The following MTMR7 variants were observed in gnomAD, a reference collection of about 807,000 sequenced individuals.
MTMR7 encodes the protein myotubularin related protein 7.
In MTMR7, 76 loss-of-function variants were observed where a neutral mutation model predicts 81.2. The ratio of observed to expected loss-of-function variants is 0.94; its 90% CI spans 0.78 to 1.13. MTMR7 has a LOEUF of 1.13. Among genes scored for constraint, MTMR7 ranks in the 50% most tolerant of loss-of-function variants. The pLI is 0.00. For missense variants in MTMR7, 1,044 were observed against 820.0 expected (o/e 1.27, Z -3.34); for synonymous variants, 372 against 289.8 (o/e 1.28, Z -2.88).
Position 17,296,979 on chromosome 8 carries a change from C to G in MTMR7, c.*2883G>C, listed in dbSNP as rs1401661452. On this transcript the variant is annotated 3_prime_UTR_variant, in exon 14 of 14. Coordinates refer to ENST00000180173, the MANE Select transcript of MTMR7 (RefSeq NM_004686.5). Reference sequence around the variant, plus strand: ...GTATGTCACCCACGATGAAAAGAATCTGCATTTGAATATGCCCGTATGAAT... The same window carrying G: ...GTATGTCACCCACGATGAAAAGAATGTGCATTTGAATATGCCCGTATGAAT... 1 of 152,142 alleles carries G rather than the reference C, an allele frequency of 6.6e-6. No individual in the cohort carries two copies. Among genetic ancestry groups the G allele is most frequent in the Non-Finnish European group, 1.5e-5 (1 of 68,020 alleles). The allele number at this position is 152,142 out of a possible 1,614,324, so 9.4% of individuals were successfully genotyped here.
At chr8:17,302,319 A>G (rs1379723384) in intron 12 of MTMR7, 39 bp from the exon 13 acceptor site, 6 of 1,580,810 alleles carry the variant, frequency 3.8e-6, no homozygotes, top group Non-Finnish European at 5.1e-6. Context: ...CCACCTTATC[A>G]CAGTCTGAAA....
intron 1 of MTMR7, among the ~76,000 whole-genome samples, chr8:17,410,857 T>A (rs939295114): frequency 9.2e-5 from 14 of 152,196 alleles, no homozygotes; most frequent in African/African-American, 3.4e-4. Flanking sequence ...CATACAATTC[T>A]TTTCCTCTTA....
chr8:17,365,122 G>A (rs1375493545), intron 3 of MTMR7, among the ~76,000 whole-genome samples: 2 of 152,186 alleles, frequency 1.3e-5, no homozygotes, highest in Non-Finnish European at 2.9e-5. Context: ...ACAGTTGTGA[G>A]GCGATACCTC....
intron 7 of MTMR7, among the ~76,000 whole-genome samples, chr8:17,314,388 G>C (rs1351377361): frequency 3.3e-5 from 5 of 152,054 alleles, no homozygotes; most frequent in African/African-American, 9.7e-5. Flanking sequence ...TCTTGCACAT[G>C]TTATTCCAGT....
At chr8:17,346,403 G>A (rs111645188) in intron 5 of MTMR7, among the ~76,000 whole-genome samples, 8 of 152,180 alleles carry the variant, frequency 5.3e-5, no homozygotes, top group African/African-American at 1.9e-4. Flanking sequence ...GGTTGTTTCT[G>A]CTTTAAAATC....
rs374507844 is a variant in MTMR7, at chr8:17,369,742, T to C, written c.310+1295A>G. Among the ~76,000 whole-genome samples, 4 of 149,222 alleles carry C rather than the reference T, an allele frequency of 2.7e-5. No individual in the cohort carries two copies. The East Asian group carries it at 7.9e-4, about 30-fold the overall frequency. On this transcript the variant is annotated intron_variant, in intron 3 of 13. Coordinates refer to ENST00000180173, the MANE Select transcript of MTMR7 (RefSeq NM_004686.5). ...CTCTCTGCAACCTTCACCTCCCAGG[T>C]TCACGCCATCCTCCTGCCTCAGCCT... is the stretch of plus-strand genomic sequence containing the variant.
chr8:17,348,927 A>T lies in MTMR7; in HGVS notation c.597+26T>A, dbSNP rs746025293. ...TGATAAACTAGAAAAGCAAAGTGTA[A>T]AACAAAAACACGCCTCGAGACTTAC... is the stretch of plus-strand genomic sequence containing the variant. On this transcript the variant is annotated intron_variant, in intron 5 of 13. Transcript: ENST00000180173. The T allele has an allele frequency of 2.5e-6, 4 of 1,613,498 alleles. No homozygotes were observed. In the South Asian group the frequency reaches 3.3e-5, roughly 13 times the overall value.
At chr8:17,387,805 A>G (rs566143499) in intron 1 of MTMR7, among the ~76,000 whole-genome samples, 4 of 152,328 alleles carry the variant, frequency 2.6e-5, no homozygotes, top group East Asian at 3.9e-4. Flanking sequence ...CAAACTTCCT[A>G]TTCAGATAAG....
intron 1 of MTMR7, among the ~76,000 whole-genome samples, chr8:17,399,181 A>G (rs576327521): frequency 6.6e-6 from 1 of 152,312 alleles, no homozygotes; most frequent in South Asian, 2.1e-4. Flanking sequence ...CTGGAAAGGA[A>G]AAAGTCAAAT....
intron 7 of MTMR7, among the ~76,000 whole-genome samples, chr8:17,314,321 T>A (rs1046610764): frequency 2.0e-5 from 3 of 152,166 alleles, no homozygotes; most frequent in Non-Finnish European, 4.4e-5. Context: ...TAAACACACA[T>A]AGGGAAAAGG....
chr8:17,372,573 G>C (rs977322707), intron 2 of MTMR7, among the ~76,000 whole-genome samples: 1 of 151,976 alleles, frequency 6.6e-6, no homozygotes, highest in Non-Finnish European at 1.5e-5. Flanking sequence ...GGGCAACAGA[G>C]TAAGACTCCA....
At chr8:17,364,075 G>A (rs902397333) in intron 3 of MTMR7, among the ~76,000 whole-genome samples, 13 of 138,120 alleles carry the variant, frequency 9.4e-5, no homozygotes, top group African/African-American at 3.4e-4. Flanking sequence ...TGTCGCCCAG[G>A]CTGGAGTGCA....
At chr8:17,322,334 A>G (rs1281174574) in intron 7 of MTMR7, among the ~76,000 whole-genome samples, 1 of 152,208 alleles carries the variant, frequency 6.6e-6, no homozygotes, top group Non-Finnish European at 1.5e-5. Context: ...CCAGAATACT[A>G]TTTACCAATG....
intron 1 of MTMR7, among the ~76,000 whole-genome samples, chr8:17,396,546 G>C (rs556913455): frequency 2.6e-5 from 4 of 152,178 alleles, no homozygotes; most frequent in Non-Finnish European, 5.9e-5. Context: ...GCCTTAGCTA[G>C]AGGGAAATTG....
At chr8:17,381,574 T>G (rs114699693) in intron 1 of MTMR7, among the ~76,000 whole-genome samples, 104 of 152,204 alleles carry the variant, frequency 6.8e-4, no homozygotes, top group African/African-American at 2.3e-3. Flanking sequence ...AGGGCCGGGG[T>G]GCCAGTCATT....
chr8:17,343,158 G>A (rs1372068529), intron 5 of MTMR7, among the ~76,000 whole-genome samples: 2 of 152,168 alleles, frequency 1.3e-5, no homozygotes, highest in African/African-American at 4.8e-5. Context: ...CCAGTGTGGT[G>A]GCTCACGCCT....
chr8:17,336,711 C>T (rs188486329), intron 6 of MTMR7, among the ~76,000 whole-genome samples: 3 of 152,328 alleles, frequency 2.0e-5, no homozygotes, highest in Admixed American at 2.0e-4. Flanking sequence ...GAGGCAAGCG[C>T]TGCCTCGCCC....
chr8:17,305,471 C>T (rs182523587), intron 11 of MTMR7, among the ~76,000 whole-genome samples: 222 of 152,206 alleles, frequency 1.5e-3, no homozygotes, highest in African/African-American at 5.1e-3. Flanking sequence ...ATGCAAAAAC[C>T]ACTTTTTTGA....
rs745944750 is a variant in MTMR7 at position 17,299,983 on chromosome 8, C to G, written c.1862G>C (p.Ser621Thr). Residue 621 changes from serine (S) to threonine (T), a missense_variant, in exon 14 of 14, where the codon AGT (serine) becomes ACT (threonine). Coordinates refer to ENST00000180173, the MANE Select transcript of MTMR7 (RefSeq NM_004686.5). ...KSSDPDLSAN[S>T]DQESGVEDLS... ...ATCCTCCACCCCGGACTCTTGGTCA[C>G]TGTTGGCTGACAGATCTGGATCTGA... 2 of 1,614,156 alleles carry G rather than the reference C, an allele frequency of 1.2e-6. No individual in the cohort carries two copies. Among genetic ancestry groups the G allele is most frequent in the African/African-American group, 1.3e-5 (1 of 75,058 alleles).
Sources: gnomAD v4.1 joint callset for allele counts (sites outside exome capture counted in the v4.1 genomes callset) on GRCh38, gnomAD v4.1.1 for gene constraint, MANE v1.5 for transcripts, NCBI Gene and HGNC (gene_info 2026-07-23, HGNC 2026-07-21) for gene names.